The following MAP2K2 variants were observed in gnomAD, a reference collection of about 807,000 sequenced individuals.
The protein encoded by MAP2K2 is mitogen-activated protein kinase kinase 2, also known as dual specificity mitogen-activated protein kinase kinase 2.
In MAP2K2, 24 loss-of-function variants were observed where a neutral mutation model predicts 43.7. That is an observed-to-expected ratio of 0.55 (90% CI 0.40 to 0.77). The LOEUF (loss-of-function observed/expected upper bound fraction) is 0.77. MAP2K2 is among the 30% of genes least tolerant of loss of function. MAP2K2 has a pLI of 0.00. For missense variants in MAP2K2, 470 were observed against 566.8 expected (o/e 0.83, Z 1.73); for synonymous variants, 244 against 239.7 (o/e 1.02, Z -0.17).
At chr19:4,099,828 AG>A (rs2040975453) in intron 6 of MAP2K2, 1 of 272,844 alleles carries the variant, frequency 3.7e-6, no homozygotes, top group Non-Finnish European at 7.1e-6. Context: ...AAATTAACTA[AG>A]GGCCGGGTGC....
In MAP2K2 at chr19:4,106,075, C is replaced by T. The variant is rs1453175687; in HGVS notation, c.451-3622G>A. The stretch of plus-strand genomic sequence containing the variant: ...CTCGACCTACTGGGCTCATGGGATT[C>T]TCCCAAAGCACTGGGATTAAAGCAT... On this transcript the variant is annotated intron_variant, in intron 3 of 10. Coordinates refer to ENST00000262948, the MANE Select transcript of MAP2K2 (RefSeq NM_030662.4). 2.0e-5 allele frequency among the ~76,000 whole-genome samples: 3 copies of T among 152,352 alleles called. No individual in the cohort carries two copies. The East Asian group carries it at 5.8e-4, about 29-fold the overall frequency.
intron 1 of MAP2K2, 32 bp downstream of exon 1, chr19:4,123,752 C>T: frequency 6.6e-7 from 1 of 1,510,418 alleles, no homozygotes; most frequent in African/African-American, 1.4e-5. Context: ...CCCCGTGCAC[C>T]CCAAGCCTCC....
rs1057518088 is a variant in MAP2K2, at chr19:4,095,395, T to C, written c.1039A>G (p.Asn347Asp). The C allele has an allele frequency of 3.9e-6, 6 of 1,551,078 alleles. No individual in the cohort carries two copies. The highest frequency in any genetic ancestry group is 5.2e-6 in the Non-Finnish European group (6 of 1,146,822). Reference protein sequence around the residue: ...VFTPDFQEFVNKCLIKNPAER... With the variant: ...VFTPDFQEFVDKCLIKNPAER... Reference sequence around the variant, plus strand: ...CAGCCCGGCTCCACCTACCATTTATTGACAAACTCCTGGAAGTCGGGGGTG... The same window carrying C: ...CAGCCCGGCTCCACCTACCATTTATCGACAAACTCCTGGAAGTCGGGGGTG... The change falls in exon 9 of 11, where the codon AAT (asparagine) becomes GAT (aspartate). Residue 347 changes from asparagine (N) to aspartate (D), a missense_variant. Around this residue, in one of 3 missense-constraint regions of MAP2K2, gnomAD observed 212 missense variants for 220.8 expected, o/e 0.96. Coordinates refer to ENST00000262948, the MANE Select transcript of MAP2K2 (RefSeq NM_030662.4).
intron 9 of MAP2K2, 34 bp downstream of exon 9, chr19:4,095,354 C>A (rs561722470): frequency 7.2e-5 from 112 of 1,545,650 alleles, no homozygotes; most frequent in Non-Finnish European, 9.0e-5. Context: ...ATCTGGGTCC[C>A]GGCCAGGGGT....
chr19:4,109,724 C>T (rs1369162889), intron 3 of MAP2K2, among the ~76,000 whole-genome samples: 1 of 152,134 alleles, frequency 6.6e-6, no homozygotes, highest in Non-Finnish European at 1.5e-5. Flanking sequence ...GATCCTCCCA[C>T]CTCAGCCTCC....
intron 8 of MAP2K2, among the ~76,000 whole-genome samples, chr19:4,096,912 A>G (rs931108486): frequency 4.6e-5 from 7 of 152,038 alleles, no homozygotes; most frequent in Non-Finnish European, 7.4e-5. Context: ...GCAGCACAGT[A>G]GAAGATGGGA....
intron 3 of MAP2K2, chr19:4,103,061 G>A: frequency 9.8e-7 from 1 of 1,025,334 alleles, no homozygotes; most frequent in Non-Finnish European, 1.2e-6. Flanking sequence ...CTGCCACCTA[G>A]GGCAGAAAGG....
intron 2 of MAP2K2, among the ~76,000 whole-genome samples, chr19:4,116,297 G>A (rs1056484366): frequency 2.0e-5 from 3 of 152,134 alleles, no homozygotes; most frequent in African/African-American, 4.8e-5. Flanking sequence ...TTGGGAGGCC[G>A]AGGCAAGAGG....
In MAP2K2 at chr19:4,102,138, T is replaced by A. The variant is rs76168601; in HGVS notation, c.528+238A>T. Among the ~76,000 whole-genome samples, 1,029 of 152,230 alleles carry A rather than the reference T, an allele frequency of 6.8e-3. 6 individuals are homozygous for A. The highest frequency in any genetic ancestry group is 0.014 in the Middle Eastern group (4 of 294). ...GGGGACCAGTGTGGCAAACAGAGGATACTAAGAGTGAAGAGGGACCTATAA... is the reference window on the plus strand; with the variant it reads ...GGGGACCAGTGTGGCAAACAGAGGAAACTAAGAGTGAAGAGGGACCTATAA... On this transcript the variant is annotated intron_variant, in intron 4 of 10. Transcript: ENST00000262948.
At chr19:4,094,601 G>A (rs1433501599) in intron 9 of MAP2K2, 103 bp from the exon 10 acceptor site, 5 of 1,092,996 alleles carry the variant, frequency 4.6e-6, no homozygotes, top group Non-Finnish European at 6.8e-6. Flanking sequence ...GGTCGGAGGG[G>A]GCCTGGATCT....
At chr19:4,099,481 G>T in intron 6 of MAP2K2, 67 bp from the exon 7 acceptor site, 2 of 1,301,098 alleles carry the variant, frequency 1.5e-6, no homozygotes, top group Non-Finnish European at 2.2e-6. Flanking sequence ...CGGGAGGCTT[G>T]CCCCGTTACA....
chr19:4,092,754 C>T (rs1599279646), intron 10 of MAP2K2, among the ~76,000 whole-genome samples: 1 of 152,218 alleles, frequency 6.6e-6, no homozygotes, highest in East Asian at 1.9e-4. Context: ...CCACAATGCC[C>T]AGCCTGCCTC....
At chr19:4,099,443 C>CA in intron 6 of MAP2K2, 29 bp from the exon 7 acceptor site, 1 of 1,564,426 alleles carries the variant, frequency 6.4e-7, no homozygotes, top group Non-Finnish European at 8.7e-7. Flanking sequence ...GGAAAGAGCC[C>CA]AGAGGGGCGA....
At chr19:4,105,850 G>T (rs2041079431) in intron 3 of MAP2K2, among the ~76,000 whole-genome samples, 1 of 151,912 alleles carries the variant, frequency 6.6e-6, no homozygotes, top group Non-Finnish European at 1.5e-5. Context: ...TTTTTGTAGA[G>T]ACGGGGGTTC....
intron 3 of MAP2K2, chr19:4,103,067 A>C: frequency 9.8e-7 from 1 of 1,021,652 alleles, no homozygotes; most frequent in South Asian, 3.9e-5. Context: ...CCTAGGGCAG[A>C]AAGGCCAGGC....
At chr19:4,110,488 C>T (rs752490246) in intron 3 of MAP2K2, 21 bp downstream of exon 3, 1 of 1,612,106 alleles carries the variant, frequency 6.2e-7, no homozygotes, top group South Asian at 1.1e-5. Flanking sequence ...CTGCCCCTGC[C>T]CCTGCCCCGG....
intron 1 of MAP2K2, among the ~76,000 whole-genome samples, chr19:4,121,017 C>T (rs1035650842): frequency 6.6e-6 from 1 of 152,064 alleles, no homozygotes; most frequent in Non-Finnish European, 1.5e-5. Flanking sequence ...TGAGGGGTCA[C>T]ACCGCAGGCA....
At chr19:4,118,459 G>T (rs1359721156) in intron 1 of MAP2K2, among the ~76,000 whole-genome samples, 6 of 152,136 alleles carry the variant, frequency 3.9e-5, no homozygotes, top group Non-Finnish European at 8.8e-5. Flanking sequence ...CACGTTTGCA[G>T]TCCCAGCTAC....
intron 10 of MAP2K2, among the ~76,000 whole-genome samples, chr19:4,092,231 C>T (rs1568248448): frequency 6.6e-6 from 1 of 152,156 alleles, no homozygotes; most frequent in African/African-American, 2.4e-5. Flanking sequence ...GAAAAACCAA[C>T]CAACTTGATA....
Sources: allele counts gnomAD v4.1 joint callset (sites outside exome capture counted in the v4.1 genomes callset), GRCh38; gene constraint gnomAD v4.1.1; regional missense constraint gnomAD v4.1.1; transcripts MANE v1.5; gene names NCBI Gene and HGNC (gene_info 2026-07-23, HGNC 2026-07-21).